PRKCE: variants seen among roughly 807,000 people sequenced by gnomAD.
PRKCE encodes the protein protein kinase C epsilon type.
A neutral mutation model predicts 85.4 loss-of-function variants in PRKCE; 16 were observed. The ratio of observed to expected loss-of-function variants is 0.19; its 90% confidence interval spans 0.13 to 0.28. PRKCE has a LOEUF of 0.28. Among genes scored for constraint, PRKCE ranks in the 10% least tolerant of loss-of-function variants. The probability of loss-of-function intolerance (pLI) is 1.00; values close to 1 mark genes in which losing one functional copy is unlikely to be tolerated. For missense variants in PRKCE, 573 were observed against 975.2 expected (o/e 0.59, Z 5.49); for synonymous variants, 388 against 371.5 (o/e 1.04, Z -0.51).
chr2:45,685,167 A>G (rs557802486), intron 1 of PRKCE, among the ~76,000 whole-genome samples: 3 of 152,346 alleles, frequency 2.0e-5, no homozygotes, highest in African/African-American at 7.2e-5. Flanking sequence ...CTAACATTCT[A>G]TCTGCATGGA....
intron 1 of PRKCE, among the ~76,000 whole-genome samples, chr2:45,796,496 A>G (rs1687447440): frequency 6.6e-6 from 1 of 152,138 alleles, no homozygotes; most frequent in African/African-American, 2.4e-5. Context: ...TGATGATTTC[A>G]CTGAAATTAT....
At chr2:46,116,975 A>C (rs1451714722) in intron 11 of PRKCE, among the ~76,000 whole-genome samples, 1 of 152,212 alleles carries the variant, frequency 6.6e-6, no homozygotes, top group African/African-American at 2.4e-5. Context: ...CAAGAAAATT[A>C]TTGGTCAAAT....
At chr2:45,659,342 C>A (rs111348053) in intron 1 of PRKCE, among the ~76,000 whole-genome samples, 1 of 152,208 alleles carries the variant, frequency 6.6e-6, no homozygotes, top group Non-Finnish European at 1.5e-5. Context: ...TCAGCAACAT[C>A]TGCTCTTTCT....
At chr2:45,979,749 C>A (rs535460627) in intron 4 of PRKCE, among the ~76,000 whole-genome samples, 12 of 152,212 alleles carry the variant, frequency 7.9e-5, no homozygotes, top group South Asian at 4.2e-4. Context: ...CCACCTACTG[C>A]CCACATTGCT....
At chr2:45,743,421 C>T (rs1179575294) in intron 1 of PRKCE, among the ~76,000 whole-genome samples, 1 of 152,022 alleles carries the variant, frequency 6.6e-6, no homozygotes, top group South Asian at 2.1e-4. Context: ...AGAAAAATAG[C>T]CAGGAGCCAC....
intron 1 of PRKCE, among the ~76,000 whole-genome samples, chr2:45,748,475 C>T (rs1450136412): frequency 1.3e-5 from 2 of 152,226 alleles, no homozygotes; most frequent in African/African-American, 4.8e-5. Context: ...AAAGAAACGC[C>T]TGTGCCTGGC....
Position 46,159,594 on chromosome 2 carries a change from T to G in PRKCE, c.1921-12T>G. 1 of 1,586,782 alleles carries G rather than the reference T, an allele frequency of 6.3e-7. No individual in the cohort carries two copies. Among genetic ancestry groups the G allele is most frequent in the Non-Finnish European group, 8.5e-7 (1 of 1,173,434 alleles). ...TTTGTCACTAATTCCGACTCTGTCCTCATCCCTGCAGTTCATGACGAAGAA... is the reference window on the plus strand; with the variant it reads ...TTTGTCACTAATTCCGACTCTGTCCGCATCCCTGCAGTTCATGACGAAGAA... On this transcript the variant is annotated splice_polypyrimidine_tract_variant and intron_variant, in intron 13 of 14. Coordinates refer to ENST00000306156, the MANE Select transcript of PRKCE (RefSeq NM_005400.3). This position sits in a 1 kb window ranked among gnomAD's most constrained non-coding sequence, Gnocchi z 4.1.
chr2:45,732,111 C>T (rs1239658779), intron 1 of PRKCE, among the ~76,000 whole-genome samples: 5 of 152,096 alleles, frequency 3.3e-5, no homozygotes, highest in African/African-American at 1.2e-4. Context: ...TCTTATCAGT[C>T]ATGTGAACCT....
rs936766657 is a variant in PRKCE, at chr2:46,139,734, C to G, written c.1593-5359C>G. 2.7e-5 allele frequency among the ~76,000 whole-genome samples: 4 copies of G among 148,326 alleles called. No homozygotes were observed. The highest frequency in any genetic ancestry group is 1.0e-4 in the African/African-American group (4 of 40,100). On this transcript the variant is annotated intron_variant, in intron 11 of 14. Coordinates refer to ENST00000306156, the MANE Select transcript of PRKCE (RefSeq NM_005400.3). This position sits in a 1 kb window ranked among gnomAD's most constrained non-coding sequence, Gnocchi z 5.2. ...TACATATATACATATACATATATAT[C>G]TAGAGAGAGAGAGAGAGAATATATA...
chr2:45,967,972 C>G (rs555445609), intron 2 of PRKCE, among the ~76,000 whole-genome samples: 36 of 152,282 alleles, frequency 2.4e-4, no homozygotes, highest in Non-Finnish European at 4.7e-4. Flanking sequence ...CCACAGCACA[C>G]CTGCCTGGGG....
At chr2:46,111,671 T>C (rs1187883506) in intron 11 of PRKCE, among the ~76,000 whole-genome samples, 1 of 152,266 alleles carries the variant, frequency 6.6e-6, no homozygotes, top group Non-Finnish European at 1.5e-5. Flanking sequence ...TTAGAACTTC[T>C]TTTATCACTG....
chr2:46,086,632 G>A (rs1294272095), intron 11 of PRKCE, among the ~76,000 whole-genome samples: 3 of 152,186 alleles, frequency 2.0e-5, no homozygotes, highest in Non-Finnish European at 2.9e-5. Context: ...GGTGCCAGGT[G>A]ACCTTGGTGT....
chr2:45,956,935 T>C (rs1457968866), intron 2 of PRKCE, among the ~76,000 whole-genome samples: 1 of 152,174 alleles, frequency 6.6e-6, no homozygotes, highest in Non-Finnish European at 1.5e-5. Context: ...AATTAGCATA[T>C]ATCTTTTTTG....
intron 14 of PRKCE, among the ~76,000 whole-genome samples, chr2:46,175,983 C>A (rs1245430063): frequency 6.6e-6 from 1 of 152,128 alleles, no homozygotes; most frequent in Non-Finnish European, 1.5e-5. Flanking sequence ...GCTTTAAAAA[C>A]TCACCGTCTG....
At chr2:45,914,212 A>G (rs2103858485) in intron 2 of PRKCE, among the ~76,000 whole-genome samples, 1 of 152,376 alleles carries the variant, frequency 6.6e-6, no homozygotes, top group South Asian at 2.1e-4. Flanking sequence ...AGATAAATTC[A>G]TATGTGAATT....
At chr2:45,962,255 C>T (rs1195122128) in intron 2 of PRKCE, among the ~76,000 whole-genome samples, 1 of 152,146 alleles carries the variant, frequency 6.6e-6, no homozygotes, top group Non-Finnish European at 1.5e-5. Context: ...TCCTACTTTC[C>T]CCCCAGGGCC....
chr2:46,065,078 G>A (rs991703437), intron 10 of PRKCE, among the ~76,000 whole-genome samples: 1 of 152,144 alleles, frequency 6.6e-6, no homozygotes, highest in African/African-American at 2.4e-5. Flanking sequence ...ACACTTCAGC[G>A]CTGGCATCAC....
intron 1 of PRKCE, among the ~76,000 whole-genome samples, chr2:45,682,436 A>T (rs591471): frequency 0.49 from 74,553 of 151,298 alleles, 19,054 homozygotes; most frequent in African/African-American, 0.65. Context: ...TTATTTATTT[A>T]TTTTTTTTGA....
chr2:45,963,163 C>T (rs539688758), intron 2 of PRKCE, among the ~76,000 whole-genome samples: 2 of 152,028 alleles, frequency 1.3e-5, no homozygotes, highest in Admixed American at 6.6e-5. Flanking sequence ...AAGGCAAGCT[C>T]GTTTCCTGAT....
Sources: gnomAD v4.1 joint callset for allele counts (sites outside exome capture counted in the v4.1 genomes callset) on GRCh38, gnomAD v4.1.1 for gene constraint, Gnocchi (gnomAD v3.1) non-coding constraint, MANE v1.5 for transcripts, NCBI Gene and HGNC (gene_info 2026-07-23, HGNC 2026-07-21) for gene names.